Variants in DIP2A observed in about 807,000 individuals in gnomAD.
The protein encoded by DIP2A is disco-interacting protein 2 homolog A.
Under a neutral mutation model 177.4 loss-of-function variants are expected in DIP2A, and 85 were observed. That is an observed-to-expected ratio of 0.48 (90% CI 0.40 to 0.57). DIP2A has a LOEUF of 0.57. Ranked by LOEUF, DIP2A falls within the 20% of genes least tolerant of loss-of-function variation. The probability of loss-of-function intolerance (pLI) is 0.00; values close to 1 mark genes in which losing one functional copy is unlikely to be tolerated. For missense variants in DIP2A, 1,791 were observed against 2,100.2 expected, an observed-to-expected ratio of 0.85 and a Z score of 2.88; for synonymous variants, 886 against 881.8, an observed-to-expected ratio of 1.00 and a Z score of -0.08.
rs566892296 is a variant in DIP2A at position 46,458,966 on chromosome 21, G to A, written c.-166G>A. 4.0e-4 allele frequency: 172 copies of A among 433,690 alleles called. 5 individuals carry two copies. In the South Asian group the frequency reaches 0.016, roughly 39 times the overall value. The allele number at this position is 433,690 out of a possible 1,614,324, so 26.9% of individuals were successfully genotyped here. ...CGGAGCCATCCGCGCTCGTGCCCGC[G>A]CGGGTGCGTTGCTGTCCTGGCCGCG... On this transcript the variant is annotated 5_prime_UTR_variant, in exon 1 of 38. Coordinates refer to ENST00000417564, the MANE Select transcript of DIP2A (RefSeq NM_015151.4).
the DIP2A span, among the ~76,000 whole-genome samples, chr21:46,576,086 A>T: frequency 2.6e-5 from 4 of 152,238 alleles, no homozygotes; most frequent in Non-Finnish European, 5.9e-5. Flanking sequence ...AATACTAAAG[A>T]AAGTCCATCA....
At chr21:46,516,941 G>T (rs895637030) in intron 8 of DIP2A, among the ~76,000 whole-genome samples, 3 of 151,114 alleles carry the variant, frequency 2.0e-5, no homozygotes, top group African/African-American at 7.3e-5. Context: ...CCTAATCTTT[G>T]CTTCTGCTGC....
In DIP2A at chr21:46,473,467, A is replaced by AG. The variant is rs36017287; in HGVS notation, c.92-11280dup. On this transcript the variant is annotated intron_variant, in intron 1 of 37. Coordinates refer to ENST00000417564, the MANE Select transcript of DIP2A (RefSeq NM_015151.4). ...GAGACCATGTCTCAGGGAAAAAAAA[A>AG]GGGGGGGGGGCCATGGCGGTGGTTT... Among the ~76,000 whole-genome samples, 857 of 117,970 alleles carry AG rather than the reference A, an allele frequency of 7.3e-3. 4 individuals carry two copies. The highest frequency in any genetic ancestry group is 0.018 in the South Asian group (51 of 2,892). 77.4% of individuals were successfully genotyped at this position (117,970 alleles called of 152,430 possible). A position where few individuals can be genotyped will look rare whatever the true frequency, so the allele number is the denominator to read the frequency against.
At chr21:46,501,789 A>T (rs995250803) in intron 5 of DIP2A, among the ~76,000 whole-genome samples, 1 of 152,116 alleles carries the variant, frequency 6.6e-6, no homozygotes, top group African/African-American at 2.4e-5. Flanking sequence ...CTTTTTTTCC[A>T]TATATACTTT....
chr21:46,476,576 TA>T (rs2055865638), intron 1 of DIP2A, among the ~76,000 whole-genome samples: 2 of 151,718 alleles, frequency 1.3e-5, no homozygotes, highest in Admixed American at 6.6e-5. Flanking sequence ...GTGTGCTCAA[TA>T]TAGAGGAAGC....
rs1032863753 is a variant in DIP2A at position 46,565,834 on chromosome 21, G to A, written c.4286G>A (p.Arg1429Lys). ...GGAGACACACAGACCATCTGGGCAAGGACCGGCTACCTTGGCTTCCTTCGG... is the reference window on the plus strand; with the variant it reads ...GGAGACACACAGACCATCTGGGCAAAGACCGGCTACCTTGGCTTCCTTCGG... ...SFGDTQTIWA[R>K]TGYLGFLRRT... is the part of the protein sequence containing the mutation. The change falls in exon 36 of 38, where the codon AGG becomes AAG. Residue 1429 changes from arginine to lysine, a missense_variant. Coordinates refer to ENST00000417564, the MANE Select transcript of DIP2A (RefSeq NM_015151.4). The A allele has an allele frequency of 6.2e-6, 10 of 1,614,020 alleles. No homozygotes were observed. The highest frequency in any genetic ancestry group is 7.6e-6 in the Non-Finnish European group (9 of 1,179,898).
At position 46,538,224 on chromosome 21, in the gene DIP2A, G is replaced by GA. The variant is rs1437181119; in HGVS notation, c.1802-253dup. Among the ~76,000 whole-genome samples, 7 of 152,294 alleles carry GA rather than the reference G, an allele frequency of 4.6e-5. No individual in the cohort carries two copies. In the East Asian group the frequency reaches 1.3e-3, roughly 29 times the overall value. ...GAAAAGAGCAATATGGAGCTTCTAAGAAAAAATTAATGTTGGAAATGGATC... is the reference window on the plus strand; with the variant it reads ...GAAAAGAGCAATATGGAGCTTCTAAGAAAAAAATTAATGTTGGAAATGGATC... On this transcript the variant is annotated intron_variant, in intron 15 of 37. Transcript: ENST00000417564.
intron 16 of DIP2A, 87 bp downstream of exon 16, chr21:46,538,689 G>T: frequency 6.7e-7 from 1 of 1,492,446 alleles, no homozygotes; most frequent in Non-Finnish European, 9.0e-7. Flanking sequence ...GCAAAATGGA[G>T]GCATTTTCAC....
intron 8 of DIP2A, among the ~76,000 whole-genome samples, chr21:46,522,932 A>AT (rs991281323): frequency 6.6e-5 from 10 of 150,952 alleles, no homozygotes; most frequent in African/African-American, 9.7e-5. Flanking sequence ...ATTTAAAAAA[A>AT]TTTTTTTTTT....
At chr21:46,532,804 G>T (rs915250309) in intron 10 of DIP2A, among the ~76,000 whole-genome samples, 10 of 151,776 alleles carry the variant, frequency 6.6e-5, no homozygotes, top group Non-Finnish European at 5.9e-5. Flanking sequence ...TAACATTTTT[G>T]ATATAACTAT....
downstream of DIP2A, among the ~76,000 whole-genome samples, chr21:46,573,404 A>T (rs776696429): frequency 1.3e-5 from 2 of 151,974 alleles, no homozygotes; most frequent in African/African-American, 2.4e-5. Context: ...TCATGTCTGT[A>T]ATCCCAGCGC....
At chr21:46,515,545 T>G (rs2058534427) in intron 8 of DIP2A, among the ~76,000 whole-genome samples, 1 of 152,132 alleles carries the variant, frequency 6.6e-6, no homozygotes, top group South Asian at 2.1e-4. Context: ...GTGTATTTAT[T>G]TATTTTTTTG....
Position 46,539,957 on chromosome 21 carries a change from A to C in DIP2A, c.2002A>C (p.Ser668Arg), listed in dbSNP as rs1363790509. 1 of 1,613,972 alleles carries C rather than the reference A, an allele frequency of 6.2e-7. No homozygotes were observed. The highest frequency in any genetic ancestry group is 1.7e-5 in the Admixed American group (1 of 60,014). The change falls in exon 17 of 38, where the codon AGT (serine) becomes CGT (arginine). Residue 668 changes from serine to arginine, a missense_variant. By Grantham distance (110) the Ser-to-Arg change is moderately radical. Transcript: ENST00000417564. ...GCCAGAGGTCATCTGTCCTTGTGCA[A>C]GTTCTCCTGAGGCGCTGACTGTCGC... is the stretch of plus-strand genomic sequence containing the variant. ...LRPEVICPCA[S>R]SPEALTVAIR...
intron 6 of DIP2A, among the ~76,000 whole-genome samples, chr21:46,504,727 A>G (rs531285595): frequency 1.6e-4 from 24 of 152,348 alleles, no homozygotes; most frequent in Non-Finnish European, 3.2e-4. Flanking sequence ...GGGGAGGGAA[A>G]AGACTTCCAA....
chr21:46,522,124 AT>A (rs1292697290), intron 8 of DIP2A, among the ~76,000 whole-genome samples: 2 of 152,236 alleles, frequency 1.3e-5, no homozygotes, highest in African/African-American at 4.8e-5. Context: ...TATTTTACCA[AT>A]AGTCTTTAAA....
At chr21:46,547,146 G>A (rs1361783012) in intron 21 of DIP2A, 104 bp downstream of exon 21, 8 of 1,492,366 alleles carry the variant, frequency 5.4e-6, no homozygotes, top group Admixed American at 4.7e-5. Context: ...AATTCACAAA[G>A]CCTAAAAATT....
chr21:46,469,036 A>C (rs1489100095), intron 1 of DIP2A: 1 of 152,186 alleles, frequency 6.6e-6, no homozygotes, highest in South Asian at 2.1e-4. Flanking sequence ...TCACAGAATA[A>C]AGTGCCTGTG....
chr21:46,555,891 C>G, intron 28 of DIP2A, 91 bp from the exon 29 acceptor site: 1 of 979,050 alleles, frequency 1.0e-6, no homozygotes, highest in Non-Finnish European at 1.7e-6. Context: ...CTCCCAAGGA[C>G]AAATCATGTG....
At chr21:46,517,824 G>C (rs373751287) in intron 8 of DIP2A, among the ~76,000 whole-genome samples, 3 of 152,220 alleles carry the variant, frequency 2.0e-5, no homozygotes, top group Non-Finnish European at 2.9e-5. Flanking sequence ...AGCCCCCCGT[G>C]GGGGCTGGAA....
Sources: allele counts gnomAD v4.1 joint callset (sites outside exome capture counted in the v4.1 genomes callset), GRCh38; gene constraint gnomAD v4.1.1; transcripts MANE v1.5; gene names NCBI Gene and HGNC (gene_info 2026-07-23, HGNC 2026-07-21).